Variants in FAM107B observed in about 807,000 individuals in gnomAD.
FAM107B encodes the protein family with sequence similarity 107 member B.
A neutral mutation model predicts 31.5 loss-of-function variants in FAM107B; 21 were observed. The ratio of observed to expected loss-of-function variants is 0.67; its 90% CI spans 0.47 to 0.96. The LOEUF (loss-of-function observed/expected upper bound fraction) is 0.96. FAM107B is among the 40% of genes least tolerant of loss of function. FAM107B has a pLI of 0.00. For missense variants in FAM107B, 452 were observed against 377.1 expected (o/e 1.20, Z -1.64); for synonymous variants, 157 against 141.5 (o/e 1.11, Z -0.78).
At chr10:14,719,010 C>T (rs774475833) in intron 1 of FAM107B, among the ~76,000 whole-genome samples, 5 of 152,220 alleles carry the variant, frequency 3.3e-5, no homozygotes, top group South Asian at 2.1e-4. Context: ...ATTTTACTGG[C>T]GCAGAACTAA....
intron 1 of FAM107B, among the ~76,000 whole-genome samples, chr10:14,772,376 T>C (rs754052688): frequency 7.9e-5 from 12 of 151,198 alleles, no homozygotes; most frequent in Non-Finnish European, 1.5e-4. Context: ...TATATATATA[T>C]ATATGCACCT....
chr10:14,566,996 CA>C (rs1427428605), intron 2 of FAM107B, among the ~76,000 whole-genome samples: 2 of 151,922 alleles, frequency 1.3e-5, no homozygotes, highest in Non-Finnish European at 2.9e-5. Flanking sequence ...CTAAAAAATA[CA>C]AAAAAATTAG....
intron 2 of FAM107B, among the ~76,000 whole-genome samples, chr10:14,584,600 C>A (rs940543992): frequency 6.6e-6 from 1 of 152,184 alleles, no homozygotes; most frequent in Admixed American, 6.5e-5. Flanking sequence ...CAGGAACACA[C>A]GTGCAGTGCT....
chr10:14,760,184 G>A (rs1193349609), intron 1 of FAM107B, among the ~76,000 whole-genome samples: 1 of 152,142 alleles, frequency 6.6e-6, no homozygotes, highest in Non-Finnish European at 1.5e-5. Flanking sequence ...TTGAAACACA[G>A]TACTCAGAAA....
intron 2 of FAM107B, among the ~76,000 whole-genome samples, chr10:14,566,157 G>A (rs1850648328): frequency 6.6e-6 from 1 of 152,120 alleles, no homozygotes; most frequent in Non-Finnish European, 1.5e-5. Flanking sequence ...CTGACCCTCT[G>A]GTATCAGTTT....
chr10:14,577,744 T>C (rs1194857772), intron 2 of FAM107B, among the ~76,000 whole-genome samples: 1 of 152,188 alleles, frequency 6.6e-6, no homozygotes, highest in Non-Finnish European at 1.5e-5. Flanking sequence ...TCCACATTAA[T>C]AACCATGATG....
intron 1 of FAM107B, among the ~76,000 whole-genome samples, chr10:14,749,332 G>C (rs569145849): frequency 1.8e-4 from 28 of 152,270 alleles, no homozygotes; most frequent in Middle Eastern, 3.4e-3. Flanking sequence ...CGGATGGAAG[G>C]CTGTGCCCTC....
intron 1 of FAM107B, among the ~76,000 whole-genome samples, chr10:14,710,811 G>A (rs1251242055): frequency 2.0e-5 from 3 of 152,140 alleles, no homozygotes; most frequent in African/African-American, 7.2e-5. Flanking sequence ...CAATGTGTTT[G>A]TATTTTAAGC....
intron 2 of FAM107B, among the ~76,000 whole-genome samples, chr10:14,611,912 A>T (rs904217402): frequency 2.6e-5 from 4 of 152,170 alleles, no homozygotes; most frequent in Non-Finnish European, 5.9e-5. Context: ...TTATATATTT[A>T]TATCCTCATA....
chr10:14,597,802 G>A (rs1307897681), intron 2 of FAM107B, among the ~76,000 whole-genome samples: 1 of 152,090 alleles, frequency 6.6e-6, no homozygotes, highest in African/African-American at 2.4e-5. Flanking sequence ...ATACAAAAGT[G>A]AGCCAGGCGT....
intron 2 of FAM107B, among the ~76,000 whole-genome samples, chr10:14,538,928 C>T (rs1847905776): frequency 6.6e-6 from 1 of 152,198 alleles, no homozygotes. Flanking sequence ...AGTCTTGATT[C>T]CTCAACTGGA....
At position 14,744,858 on chromosome 10, in the gene FAM107B, C is replaced by G. The variant is rs60454266; in HGVS notation, c.411+29395G>C. 3.9e-3 allele frequency among the ~76,000 whole-genome samples: 598 copies of G among 152,252 alleles called. 2 individuals are homozygous for G. Among genetic ancestry groups the G allele is most frequent in the African/African-American group, 0.013 (557 of 41,568 alleles). On this transcript the variant is annotated intron_variant, in intron 1 of 4. Coordinates refer to ENST00000181796, the MANE Select transcript of FAM107B (RefSeq NM_031453.4). ...AATGGTACAGCTCCTCTTTGTACCT[C>G]TGGTAGAATTCAGCTGTAAAACTGT...
intron 2 of FAM107B, among the ~76,000 whole-genome samples, chr10:14,627,218 G>C (rs904652184): frequency 6.6e-6 from 1 of 152,216 alleles, no homozygotes; most frequent in South Asian, 2.1e-4. Flanking sequence ...TTCCTAAATA[G>C]ATGTTATTAA....
chr10:14,545,249 CCTCT>C (rs1848587387), intron 2 of FAM107B, among the ~76,000 whole-genome samples: 1 of 152,060 alleles, frequency 6.6e-6, no homozygotes, highest in African/African-American at 2.4e-5. Context: ...TGCTACAGCA[CCTCT>C]CTATTTTAAC....
intron 1 of FAM107B, among the ~76,000 whole-genome samples, chr10:14,670,536 G>C (rs1391538875): frequency 2.0e-5 from 3 of 152,220 alleles, no homozygotes; most frequent in Non-Finnish European, 4.4e-5. Context: ...CACAGGGGAA[G>C]TCTCTTGAGA....
At chr10:14,612,715 C>G (rs1233856890) in intron 2 of FAM107B, among the ~76,000 whole-genome samples, 1 of 152,140 alleles carries the variant, frequency 6.6e-6, no homozygotes, top group Non-Finnish European at 1.5e-5. Context: ...TTGTCTTTGA[C>G]AGACCAAAGA....
At chr10:14,659,439 T>TCAAAACAAAA (rs59778625) in intron 2 of FAM107B, among the ~76,000 whole-genome samples, 25,251 of 150,366 alleles carry the variant, frequency 0.17, 2,259 homozygotes, top group Middle Eastern at 0.24. Flanking sequence ...AAACTCCGTC[T>TCAAAACAAAA]CAAAACAAAA....
chr10:14,530,331 C>T lies in FAM107B; in HGVS notation c.653+1G>A, dbSNP rs962324032. 1 of 1,602,000 alleles carries T rather than the reference C, an allele frequency of 6.2e-7. No homozygotes were observed. The highest frequency in any genetic ancestry group is 1.3e-5 in the African/African-American group (1 of 74,162). On this transcript the variant is annotated splice_donor_variant, in intron 3 of 4. Coordinates refer to ENST00000181796, the MANE Select transcript of FAM107B (RefSeq NM_031453.4). LOFTEE classifies it high-confidence loss of function. Reference sequence around the variant, plus strand: ...AAAATATGCTCAAGAAACCATTTTACCTTTTTTGATTCATAAGAAGTTCTC... The same window carrying T: ...AAAATATGCTCAAGAAACCATTTTATCTTTTTTGATTCATAAGAAGTTCTC...
At chr10:14,760,980 C>T (rs1295316141) in intron 1 of FAM107B, among the ~76,000 whole-genome samples, 3 of 140,102 alleles carry the variant, frequency 2.1e-5, no homozygotes, top group Non-Finnish European at 3.0e-5. Context: ...CCACTGCACT[C>T]CAGCCTGGGC....
Sources: allele counts gnomAD v4.1 joint callset (sites outside exome capture counted in the v4.1 genomes callset), GRCh38; gene constraint gnomAD v4.1.1; transcripts MANE v1.5; gene names NCBI Gene and HGNC (gene_info 2026-07-23, HGNC 2026-07-21).